Variants in RBMX observed in about 807,000 individuals in gnomAD.
RBMX encodes RNA-binding motif protein, X chromosome.
A neutral mutation model predicts 29.3 loss-of-function variants in RBMX; 1 was observed. That is an observed-to-expected ratio of 0.03 (90% confidence interval 0.01 to 0.16). The LOEUF (loss-of-function observed/expected upper bound fraction) is 0.16. Ranked by LOEUF, RBMX falls within the 10% of genes least tolerant of loss-of-function variation. RBMX has a pLI of 1.00. For synonymous variants in RBMX, 102 were observed against 102.3 expected (o/e 1.00, Z 0.02); for missense variants, 121 against 333.2 (o/e 0.36, Z 4.96).
intron 3 of RBMX, 96 bp downstream of exon 3, chrX:136,878,921 C>A (rs1335774272): frequency 9.1e-7 from 1 of 1,099,718 alleles, no homozygotes; most frequent in South Asian, 2.1e-5. Context: ...TGAAAAACAA[C>A]GAAAACTCAA....
intron 4 of RBMX, among the ~76,000 whole-genome samples, chrX:136,876,989 G>T (rs1419917335): frequency 9.3e-6 from 1 of 107,728 alleles, no homozygotes; most frequent in African/African-American, 3.4e-5. Flanking sequence ...TGGGATTGCA[G>T]GTGTGAGCCA....
At chrX:136,874,938 A>G (rs2077711933) in intron 8 of RBMX, 148 bp downstream of exon 8, 1 of 1,039,033 alleles carries the variant, frequency 9.6e-7, no homozygotes, top group Admixed American at 3.8e-5. Context: ...GCCCCTCACA[A>G]AACTAGGAAA....
intron 4 of RBMX, among the ~76,000 whole-genome samples, chrX:136,877,678 A>T (rs780704670): frequency 9.0e-6 from 1 of 111,580 alleles, no homozygotes; most frequent in East Asian, 2.8e-4. Flanking sequence ...CAATTTTTAA[A>T]TGCCTTTCCT....
At chrX:136,879,541 C>T in intron 1 of RBMX, 88 bp from the exon 2 acceptor site, 1 of 774,537 alleles carries the variant, frequency 1.3e-6, no homozygotes, top group Non-Finnish European at 1.9e-6. Flanking sequence ...TCATATTTTC[C>T]ACTAAAACCA....
chrX:136,875,063 A>C, intron 8 of RBMX, 23 bp downstream of exon 8: 2 of 1,208,304 alleles, frequency 1.7e-6, no homozygotes, highest in Non-Finnish European at 2.2e-6. Context: ...GGTGATACTA[A>C]AGACCCTTAA....
downstream of RBMX, chrX:136,872,251 T>C (rs2077689868): frequency 1.3e-5 from 14 of 1,117,392 alleles, no homozygotes; most frequent in Non-Finnish European, 1.6e-5. Context: ...TCAAAGGCCA[T>C]TGCTTTCAAC....
Position 136,879,319 on chromosome X carries a change from C to T in RBMX, c.109G>A (p.Val37Ile). Reference sequence around the variant, plus strand: ...CAGCCTGTACTGCCAGACAACTCACCTTCCACTATTCGTCCATATTTGCCA... The same window carrying T: ...CAGCCTGTACTGCCAGACAACTCACTTTCCACTATTCGTCCATATTTGCCA... Reference protein sequence around the residue: ...VFGKYGRIVEVLLMKDRETNK... With the variant: ...VFGKYGRIVEILLMKDRETNK... Residue 37 changes from valine to isoleucine, a missense_variant and splice_region_variant, in exon 2 of 9, where the codon GTA becomes ATA. This residue lies in a region of RBMX where 7 missense variants were observed against 73.3 expected (regional missense o/e 0.10). Coordinates refer to ENST00000320676, the MANE Select transcript of RBMX (RefSeq NM_002139.4). The T allele has an allele frequency of 8.3e-7, 1 of 1,211,117 alleles. No individual in the cohort carries two copies. The highest frequency in any genetic ancestry group is 1.1e-6 in the Non-Finnish European group (1 of 895,029).
chrX:136,872,237 A>G, downstream of RBMX: 1 of 1,057,228 alleles, frequency 9.5e-7, no homozygotes, highest in Non-Finnish European at 1.3e-6. Context: ...CAACATTTAA[A>G]CCTTCAAAGG....
In RBMX at chrX:136,878,093, A is replaced by C. The variant is rs1232369740; in HGVS notation, c.217-7T>G. 1 of 1,163,291 alleles carries C rather than the reference A, an allele frequency of 8.6e-7. No homozygotes were observed. Reference sequence around the variant, plus strand: ...TGGCTTTTCCATCTAATGACTAAAAAAAAAGATACGATTAAATTAAATCAA... The same window carrying C: ...TGGCTTTTCCATCTAATGACTAAAACAAAAGATACGATTAAATTAAATCAA... On this transcript the variant is annotated splice_polypyrimidine_tract_variant and splice_region_variant and intron_variant, in intron 3 of 8. Transcript: ENST00000320676.
At chrX:136,874,611 C>A in intron 8 of RBMX, 159 bp from the exon 9 acceptor site, 1 of 615,605 alleles carries the variant, frequency 1.6e-6, no homozygotes. Context: ...GGGATTTGCT[C>A]ATCTGCTGAG....
At chrX:136,879,256 T>C in intron 2 of RBMX, 63 bp downstream of exon 2, 1 of 1,193,989 alleles carries the variant, frequency 8.4e-7, no homozygotes, top group Non-Finnish European at 1.1e-6. Context: ...ATCAATGCAA[T>C]CAAATTCATC....
At chrX:136,877,452 CTTTTTTT>C (rs551259279) in intron 4 of RBMX, among the ~76,000 whole-genome samples, 2 of 85,874 alleles carry the variant, frequency 2.3e-5, no homozygotes, top group African/African-American at 8.6e-5. Context: ...TCTTAAAAAA[CTTTTTTT>C]TTTTTTTTTT....
At position 136,876,696 on chromosome X, in the gene RBMX, GA is replaced by G. The variant is rs1011194413; in HGVS notation, c.389-42del. On this transcript the variant is annotated intron_variant, in intron 4 of 8. Transcript: ENST00000320676. ...AAAAGAAAAATATTACTACTCACAA[GA>G]ATCAAGAAAGATATAAAAGTTTTTT... 3.1e-6 allele frequency: 3 copies of G among 964,146 alleles called. No individual in the cohort carries two copies. The African/African-American group carries it at 6.1e-5, about 20-fold the overall frequency. The allele number at this position is 964,146 out of a possible 1,213,427, so 79.5% of individuals were successfully genotyped here.
intron 8 of RBMX, 146 bp from the exon 9 acceptor site, chrX:136,874,598 A>G: frequency 2.8e-6 from 2 of 709,908 alleles, no homozygotes; most frequent in Non-Finnish European, 4.1e-6. Context: ...GCTGGCCATA[A>G]CAGGGATTTG....
downstream of RBMX, chrX:136,872,283 T>G: frequency 8.6e-7 from 1 of 1,163,233 alleles, no homozygotes. Context: ...CATTTCTTAC[T>G]GCCAGCTTTA....
chrX:136,876,730 T>C (rs2077734475), intron 4 of RBMX, 75 bp from the exon 5 acceptor site: 2 of 926,123 alleles, frequency 2.2e-6, no homozygotes, highest in Non-Finnish European at 2.9e-6. Flanking sequence ...TTTTTTTTTT[T>C]TGAGAGTCTC....
Position 136,873,894 on chromosome X carries a change from C to T in RBMX, c.*248G>A. On this transcript the variant is annotated 3_prime_UTR_variant, in exon 9 of 9. Coordinates refer to ENST00000320676, the MANE Select transcript of RBMX (RefSeq NM_002139.4). Reference sequence around the variant, plus strand: ...GGGGATACTTTTACTTGGAAAGTTACAACACTAGTACAAGTCTTAACACAT... The same window carrying T: ...GGGGATACTTTTACTTGGAAAGTTATAACACTAGTACAAGTCTTAACACAT... 1.0e-6 allele frequency: 1 copy of T among 981,510 alleles called. No homozygotes were observed. Among genetic ancestry groups the T allele is most frequent in the African/African-American group, 1.9e-5 (1 of 51,321 alleles). 80.9% of individuals were successfully genotyped at this position (981,510 alleles called of 1,213,427 possible).
chrX:136,875,208 T>A (rs772263119), intron 7 of RBMX, 40 bp from the exon 8 acceptor site: 1 of 1,211,169 alleles, frequency 8.3e-7, no homozygotes, highest in South Asian at 1.8e-5. Context: ...GAGAATCAAC[T>A]TTCATTGCAA....
intron 4 of RBMX, 62 bp downstream of exon 4, chrX:136,877,853 C>A: frequency 9.5e-7 from 1 of 1,056,807 alleles, no homozygotes. Flanking sequence ...AAAGCATCCA[C>A]TTGGTGTGAG....
Sources: allele counts gnomAD v4.1 joint callset (sites outside exome capture counted in the v4.1 genomes callset), GRCh38; gene constraint gnomAD v4.1.1; regional missense constraint gnomAD v4.1.1; transcripts MANE v1.5; gene names NCBI Gene and HGNC (gene_info 2026-07-23, HGNC 2026-07-21).